The following ITGB5 variants were observed in gnomAD, a reference collection of about 807,000 sequenced individuals.
ITGB5 encodes integrin subunit beta 5.
ITGB5 carries 38 observed loss-of-function variants against 84.8 expected under a neutral mutation model. The observed-to-expected ratio is 0.45, with a 90% CI of 0.35 to 0.59. The LOEUF is 0.59. Among genes scored for constraint, ITGB5 ranks in the 20% least tolerant of loss-of-function variants. The pLI is 0.01. For synonymous variants in ITGB5, 393 were observed against 414.4 expected, an observed-to-expected ratio of 0.95 and a Z score of 0.63; for missense variants, 905 against 1,034.5, an observed-to-expected ratio of 0.87 and a Z score of 1.72.
At chr3:124,784,885 T>C (rs552989144) in intron 10 of ITGB5, among the ~76,000 whole-genome samples, 24 of 152,342 alleles carry the variant, frequency 1.6e-4, no homozygotes, top group Admixed American at 5.9e-4. Context: ...AACTGGAAAC[T>C]GTCATGGTGT....
chr3:124,789,206 TAAAGA>T (rs1333398611), intron 10 of ITGB5, among the ~76,000 whole-genome samples: 1 of 152,246 alleles, frequency 6.6e-6, no homozygotes, highest in African/African-American at 2.4e-5. Flanking sequence ...ATTACATTAC[TAAAGA>T]AAACAATATA....
chr3:124,797,433 A>G (rs749085244), intron 9 of ITGB5, among the ~76,000 whole-genome samples: 57 of 151,826 alleles, frequency 3.8e-4, no homozygotes, highest in Non-Finnish European at 6.6e-4. Context: ...TCATAGCTGC[A>G]TCTTTCACAA....
chr3:124,835,081 C>T lies in ITGB5; in HGVS notation c.780+6302G>A, dbSNP rs554770036. Among the ~76,000 whole-genome samples the T allele has an allele frequency of 3.9e-5, 6 of 152,308 alleles. No individual in the cohort carries two copies. In the South Asian group the frequency reaches 6.2e-4, roughly 16 times the overall value. On this transcript the variant is annotated intron_variant, in intron 5 of 14. Coordinates refer to ENST00000296181, the MANE Select transcript of ITGB5 (RefSeq NM_002213.5). The stretch of plus-strand genomic sequence containing the variant: ...TGGTCAGTGAAGGGAGCCACCAGCA[C>T]GTGTAGACACCTCCTAAGCACAGGT...
At chr3:124,820,839 C>A (rs1475331784) in intron 6 of ITGB5, among the ~76,000 whole-genome samples, 1 of 152,068 alleles carries the variant, frequency 6.6e-6, no homozygotes, top group African/African-American at 2.4e-5. Flanking sequence ...TCCTTGGGAC[C>A]TCTCATTCCA....
At chr3:124,844,656 A>G (rs1412545569) in intron 4 of ITGB5, among the ~76,000 whole-genome samples, 1 of 152,190 alleles carries the variant, frequency 6.6e-6, no homozygotes, top group Non-Finnish European at 1.5e-5. Context: ...AGCAGGGTCT[A>G]CCAGGAATAG....
At chr3:124,898,166 A>T (rs550775277) in intron 1 of ITGB5, among the ~76,000 whole-genome samples, 4 of 151,682 alleles carry the variant, frequency 2.6e-5, no homozygotes, top group African/African-American at 7.3e-5. Context: ...TGATTAGAAT[A>T]TTCAGGTGAG....
intron 9 of ITGB5, among the ~76,000 whole-genome samples, chr3:124,798,609 G>A (rs892524240): frequency 4.6e-5 from 7 of 151,378 alleles, no homozygotes; most frequent in African/African-American, 7.3e-5. Context: ...TGGTAGAGAC[G>A]GAGATGGGGT....
rs778889927 is a variant in ITGB5, at chr3:124,796,661, C to T, written c.1420G>A (p.Ala474Thr). 5.0e-6 allele frequency: 8 copies of T among 1,614,026 alleles called. No individual in the cohort carries two copies. The highest frequency in any genetic ancestry group is 1.7e-5 in the Admixed American group (1 of 60,012). Residue 474 changes from alanine to threonine, a missense_variant, in exon 10 of 15, where the codon GCC (alanine) becomes ACC (threonine). By Grantham distance (58) the Ala-to-Thr change is moderately conservative. Transcript: ENST00000296181. ...GCSVGLEPNS[A>T]RCNGSGTYVC... Reference sequence around the variant, plus strand: ...TAGGTCCCGCTCCCGTTGCACCTGGCGCTGTTGGGTTCCAGCCCCACGCTG... The same window carrying T: ...TAGGTCCCGCTCCCGTTGCACCTGGTGCTGTTGGGTTCCAGCCCCACGCTG...
At chr3:124,819,540 T>C (rs957007541) in intron 7 of ITGB5, among the ~76,000 whole-genome samples, 199 bp downstream of exon 7, 1 of 152,248 alleles carries the variant, frequency 6.6e-6, no homozygotes, top group South Asian at 2.1e-4. Flanking sequence ...TCAAATTAGA[T>C]ACTATATGTT....
chr3:124,771,748 C>CAAAAAAAAAAAAAAAA (rs59189728), intron 11 of ITGB5, among the ~76,000 whole-genome samples: 3 of 69,180 alleles, frequency 4.3e-5, no homozygotes, highest in African/African-American at 1.6e-4. Context: ...GACCCTGTCT[C>CAAAAAAAAAAAAAAAA]AAAAAAAAAA....
At chr3:124,888,616 G>A (rs764494075), upstream of ITGB5, among the ~76,000 whole-genome samples, 1 of 152,184 alleles carries the variant, frequency 6.6e-6, no homozygotes, top group Non-Finnish European at 1.5e-5. Flanking sequence ...TTCATCCTCC[G>A]ACAACCCTAC....
At chr3:124,772,455 A>G (rs1342109093) in intron 11 of ITGB5, among the ~76,000 whole-genome samples, 1 of 152,180 alleles carries the variant, frequency 6.6e-6, no homozygotes, top group African/African-American at 2.4e-5. Context: ...AACTCATTTC[A>G]TTATCAGCCC....
chr3:124,848,198 T>G (rs1391279545), intron 4 of ITGB5, 111 bp downstream of exon 4: 1 of 1,281,132 alleles, frequency 7.8e-7, no homozygotes, highest in East Asian at 2.3e-5. Flanking sequence ...CGCCTAAGCC[T>G]GGCCACCCCT....
intron 2 of ITGB5, among the ~76,000 whole-genome samples, chr3:124,872,074 A>G (rs935420116): frequency 6.6e-6 from 1 of 152,166 alleles, no homozygotes; most frequent in African/African-American, 2.4e-5. Flanking sequence ...TGCAGGTCAT[A>G]GAGAACGAAA....
chr3:124,846,527 T>A (rs1425960700), intron 4 of ITGB5, among the ~76,000 whole-genome samples: 1 of 151,462 alleles, frequency 6.6e-6, no homozygotes, highest in Non-Finnish European at 1.5e-5. Flanking sequence ...GATCCTCAGG[T>A]AAGCCCCTAG....
rs938006411 is a variant in ITGB5, at chr3:124,884,368, C to T, written c.70+2563G>A. 1.4e-4 allele frequency among the ~76,000 whole-genome samples: 21 copies of T among 152,274 alleles called. No individual in the cohort carries two copies. The East Asian group carries it at 3.5e-3, about 25-fold the overall frequency. On this transcript the variant is annotated intron_variant, in intron 1 of 14. Transcript: ENST00000296181. ...CAAGTTCTGGAGGCCAGTGCCATGG[C>T]TTGCTCCACCACCACCACCACCAAA...
chr3:124,796,892 T>C, intron 9 of ITGB5, 75 bp from the exon 10 acceptor site: 5 of 1,440,022 alleles, frequency 3.5e-6, no homozygotes, highest in Non-Finnish European at 2.8e-6. Flanking sequence ...GGCAGGGCCC[T>C]TGATGAAGAG....
At chr3:124,817,575 G>A (rs753317150) in intron 8 of ITGB5, 46 bp downstream of exon 8, 8 of 1,053,056 alleles carry the variant, frequency 7.6e-6, no homozygotes, top group Admixed American at 4.5e-5. Context: ...CTCAGTGGGA[G>A]AGGGTGGAAG....
intron 3 of ITGB5, among the ~76,000 whole-genome samples, chr3:124,853,199 A>G (rs1332244251): frequency 6.6e-6 from 1 of 152,248 alleles, no homozygotes; most frequent in Admixed American, 6.5e-5. Context: ...ACTGAAAGAA[A>G]GAAGGGAAAC....
Sources: gnomAD v4.1 joint callset for allele counts (sites outside exome capture counted in the v4.1 genomes callset) on GRCh38, gnomAD v4.1.1 for gene constraint, MANE v1.5 for transcripts, NCBI Gene and HGNC (gene_info 2026-07-23, HGNC 2026-07-21) for gene names.